MINAR2: variants seen among roughly 807,000 people sequenced by gnomAD.
MINAR2 encodes the protein membrane integral NOTCH2 associated receptor 2, also known as major intrinsically disordered NOTCH2-binding receptor 1-like.
MINAR2 carries 21 observed loss-of-function variants against 16.1 expected under a neutral mutation model. The observed-to-expected ratio is 1.31, with a 90% CI of 0.93 to 1.88. The LOEUF (loss-of-function observed/expected upper bound fraction) is 1.88. Among genes scored for constraint, MINAR2 ranks in the 40% most tolerant of loss-of-function variants. The pLI, the probability that MINAR2 is intolerant of heterozygous loss-of-function variation, is 0.00. For synonymous variants in MINAR2, 86 were observed against 83.0 expected, an observed-to-expected ratio of 1.04 and a Z score of -0.20; for missense variants, 259 against 229.8, an observed-to-expected ratio of 1.13 and a Z score of -0.82.
At chr5:129,759,020 C>T (rs1309406174) in intron 1 of MINAR2, among the ~76,000 whole-genome samples, 1 of 151,916 alleles carries the variant, frequency 6.6e-6, no homozygotes, top group African/African-American at 2.4e-5. Context: ...TAGGGAAATC[C>T]AACACCGAAG....
At chr5:129,760,644 G>T (rs566743429) in intron 2 of MINAR2, 39 bp downstream of exon 2, 2 of 1,392,650 alleles carry the variant, frequency 1.4e-6, no homozygotes, top group Admixed American at 2.0e-5. Context: ...AACTGATAAG[G>T]GAGATCAGTC....
In MINAR2 at chr5:129,765,016, A is replaced by T; in HGVS notation, c.526A>T (p.Ile176Phe). Reference sequence around the variant, plus strand: ...TATGGGTCTGATTTTACTTGTCGTTATCTCCATCTTGGTTACCATAGTGAC... The same window carrying T: ...TATGGGTCTGATTTTACTTGTCGTTTTCTCCATCTTGGTTACCATAGTGAC... Reference protein sequence around the residue: ...CRMGLILLVVISILVTIVTII... With the variant: ...CRMGLILLVVFSILVTIVTII... The change falls in exon 3 of 3, where the codon ATC becomes TTC. Residue 176 changes from isoleucine to phenylalanine, a missense_variant. Ile to Phe is a conservative substitution (Grantham distance 21). Coordinates refer to ENST00000564719, the MANE Select transcript of MINAR2 (RefSeq NM_001257308.2). The T allele has an allele frequency of 7.4e-7, 1 of 1,349,534 alleles. No homozygotes were observed. Among genetic ancestry groups the T allele is most frequent in the Non-Finnish European group, 9.5e-7 (1 of 1,049,772 alleles). The allele number at this position is 1,349,534 out of a possible 1,614,324, so 83.6% of individuals were successfully genotyped here.
At chr5:129,764,824 T>C in intron 2 of MINAR2, 60 bp from the exon 3 acceptor site, 1 of 969,024 alleles carries the variant, frequency 1.0e-6, no homozygotes, top group Non-Finnish European at 1.4e-6. Flanking sequence ...GCAATCTCAA[T>C]TAATTTGTAA....
intron 1 of MINAR2, among the ~76,000 whole-genome samples, chr5:129,759,931 C>T (rs753652687): frequency 3.1e-4 from 47 of 151,960 alleles, no homozygotes; most frequent in Non-Finnish European, 5.1e-4. Flanking sequence ...TTGTGAAAGT[C>T]GAGGCATATC....
chr5:129,753,818 G>GAAGA (rs1454294141), intron 1 of MINAR2, among the ~76,000 whole-genome samples: 1 of 148,600 alleles, frequency 6.7e-6, no homozygotes, highest in South Asian at 2.1e-4. Flanking sequence ...AGGAAGGAAG[G>GAAGA]AGAAGAAGAA....
chr5:129,753,514 G>C (rs1758013117), intron 1 of MINAR2, among the ~76,000 whole-genome samples: 1 of 150,512 alleles, frequency 6.6e-6, no homozygotes, highest in African/African-American at 2.4e-5. Flanking sequence ...AGCACTTTGG[G>C]AGGCCGAGGC....
rs1318490396 is a variant in MINAR2 at position 129,760,510 on chromosome 5, G to A, written c.298G>A (p.Glu100Lys). The part of the protein sequence containing the change: ...NNPLYGDLSL[E>K]EAMEERKKNP... ...CCCACTCTATGGTGACCTAAGTTTG[G>A]AGGAAGCTATGGAAGAAAGAAAAAA... The change falls in exon 2 of 3, where the codon GAG (glutamate) becomes AAG (lysine). Residue 100 changes from glutamate (E) to lysine (K), a missense_variant. Glu to Lys is a moderately conservative substitution (Grantham distance 56). Transcript: ENST00000564719. 1.3e-6 allele frequency: 2 copies of A among 1,535,722 alleles called. No individual in the cohort carries two copies. The highest frequency in any genetic ancestry group is 1.7e-6 in the Non-Finnish European group (2 of 1,146,572).
Position 129,749,354 on chromosome 5 carries a change from G to A in MINAR2, c.165+999G>A, listed in dbSNP as rs185545580. On this transcript the variant is annotated intron_variant, in intron 1 of 2. Coordinates refer to ENST00000564719, the MANE Select transcript of MINAR2 (RefSeq NM_001257308.2). ...TTGTGGTAAGTTTGTGGGCTCCTTG[G>A]GACCTTTATCATGAGATCATTCAAA... 8.5e-5 allele frequency among the ~76,000 whole-genome samples: 13 copies of A among 152,164 alleles called. No homozygotes were observed. In the East Asian group the frequency reaches 2.5e-3, roughly 29 times the overall value.
rs1327186214 is a variant in MINAR2 at position 129,748,172 on chromosome 5, A to T, written c.-19A>T. The T allele has an allele frequency of 1.3e-6, 2 of 1,533,274 alleles. No homozygotes were observed. Among genetic ancestry groups the T allele is most frequent in the South Asian group, 1.2e-5 (1 of 83,888 alleles). 95.0% of individuals were successfully genotyped at this position (1,533,274 alleles called of 1,614,324 possible). On this transcript the variant is annotated 5_prime_UTR_variant, in exon 1 of 3. Coordinates refer to ENST00000564719, the MANE Select transcript of MINAR2 (RefSeq NM_001257308.2). ...GCAGCTTTGCCTGTCTTTGTTTTCCACTGTAGGTGAAGGGAGACATGGATC... is the reference window on the plus strand; with the variant it reads ...GCAGCTTTGCCTGTCTTTGTTTTCCTCTGTAGGTGAAGGGAGACATGGATC...
chr5:129,760,991 T>G (rs1290316666), intron 2 of MINAR2, among the ~76,000 whole-genome samples: 3 of 152,200 alleles, frequency 2.0e-5, no homozygotes, highest in African/African-American at 4.8e-5. Context: ...TCAAAAATAT[T>G]TATTAAGTGT....
At chr5:129,762,228 A>G (rs2149546924) in intron 2 of MINAR2, among the ~76,000 whole-genome samples, 1 of 152,288 alleles carries the variant, frequency 6.6e-6, no homozygotes, top group Non-Finnish European at 1.5e-5. Flanking sequence ...CCTATATAGA[A>G]AACTAGCACA....
Position 129,748,123 on chromosome 5 carries a change from T to C in MINAR2, c.-68T>C, listed in dbSNP as rs1757938571. On this transcript the variant is annotated 5_prime_UTR_variant, in exon 1 of 3. An upstream open reading frame in the 5' UTR loses its in-frame stop. Transcript: ENST00000564719. ...GCAGTCAGAGCATCCTCAGGCACAT[T>C]AATAATGGAGGAGTCTGACAAGAGC... 3 of 1,426,300 alleles carry C rather than the reference T, an allele frequency of 2.1e-6. No homozygotes were observed. The highest frequency in any genetic ancestry group is 2.1e-5 in the Admixed American group (1 of 47,674). The allele number at this position is 1,426,300 out of a possible 1,614,324, so 88.4% of individuals were successfully genotyped here.
intron 1 of MINAR2, among the ~76,000 whole-genome samples, chr5:129,752,690 G>A (rs2149544969): frequency 6.6e-6 from 1 of 152,078 alleles, no homozygotes; most frequent in East Asian, 1.9e-4. Context: ...GTATAACTAT[G>A]TAACAAACCT....
chr5:129,759,975 T>C (rs1758107852), intron 1 of MINAR2, among the ~76,000 whole-genome samples: 1 of 152,122 alleles, frequency 6.6e-6, no homozygotes, highest in Admixed American at 6.6e-5. Context: ...CTTTGCTGGA[T>C]TAGCACAATA....
chr5:129,759,052 A>G (rs1460024947), intron 1 of MINAR2, among the ~76,000 whole-genome samples: 1 of 152,018 alleles, frequency 6.6e-6, no homozygotes, highest in Non-Finnish European at 1.5e-5. Flanking sequence ...GGTTTTATCT[A>G]GATGATTTTT....
At chr5:129,756,957 A>AAAC (rs1561684704) in intron 1 of MINAR2, among the ~76,000 whole-genome samples, 1 of 132,678 alleles carries the variant, frequency 7.5e-6, no homozygotes, top group African/African-American at 3.0e-5. Context: ...AAAAAAAAAA[A>AAAC]ACACACACAC....
rs886874775 is a variant in MINAR2 at position 129,760,310 on chromosome 5, T to C, written c.166-68T>C. The C allele has an allele frequency of 4.3e-5, 49 of 1,140,164 alleles. 1 individual carries two copies. Among genetic ancestry groups the C allele is most frequent in the Middle Eastern group, 2.6e-4 (1 of 3,794 alleles). 70.6% of individuals were successfully genotyped at this position (1,140,164 alleles called of 1,614,324 possible). On this transcript the variant is annotated intron_variant, in intron 1 of 2. Coordinates refer to ENST00000564719, the MANE Select transcript of MINAR2 (RefSeq NM_001257308.2). ...AAATCAGCACATTATCAGGTAGTTA[T>C]CTCACATTGCATTCCCTACTATCAG... is the stretch of plus-strand genomic sequence containing the variant.
intron 1 of MINAR2, among the ~76,000 whole-genome samples, chr5:129,748,983 G>A (rs542161560): frequency 6.6e-6 from 1 of 152,306 alleles, no homozygotes; most frequent in African/African-American, 2.4e-5. Flanking sequence ...CAAACCCAGT[G>A]CAGGTTTTAT....
intron 1 of MINAR2, among the ~76,000 whole-genome samples, chr5:129,756,749 T>G (rs1409366294): frequency 6.6e-6 from 1 of 151,980 alleles, no homozygotes; most frequent in African/African-American, 2.4e-5. Flanking sequence ...ATTAGATGCA[T>G]ACAAGTTTAG....
Sources: allele counts gnomAD v4.1 joint callset (sites outside exome capture counted in the v4.1 genomes callset), GRCh38; gene constraint gnomAD v4.1.1; transcripts MANE v1.5; gene names NCBI Gene and HGNC (gene_info 2026-07-23, HGNC 2026-07-21).